Variants in SUPT3H observed in about 807,000 individuals in gnomAD.
SUPT3H encodes the protein SPT3 homolog, SAGA and STAGA complex component, also known as transcription initiation protein SPT3 homolog.
Under a neutral mutation model 44.3 loss-of-function variants are expected in SUPT3H, and 44 were observed. That is an observed-to-expected ratio of 0.99 (90% CI 0.78 to 1.28). The LOEUF (loss-of-function observed/expected upper bound fraction) is 1.28. SUPT3H is among the 50% of genes most tolerant of loss of function. The pLI, the probability that SUPT3H is intolerant of heterozygous loss-of-function variation, is 0.00. For synonymous variants in SUPT3H, 124 were observed against 125.6 expected (o/e 0.99, Z 0.09); for missense variants, 380 against 387.1 (o/e 0.98, Z 0.15).
At chr6:44,914,429 G>C (rs548541894) in intron 10 of SUPT3H, among the ~76,000 whole-genome samples, 1 of 152,322 alleles carries the variant, frequency 6.6e-6, no homozygotes, top group Non-Finnish European at 1.5e-5. Flanking sequence ...AGTATGGTTA[G>C]GGTAGTACAT....
chr6:45,328,894 T>C (rs563650078), intron 2 of SUPT3H: 2 of 1,114,812 alleles, frequency 1.8e-6, no homozygotes, highest in South Asian at 1.3e-5. Flanking sequence ...AAGATCCTAA[T>C]TATGCTATCT....
intron 2 of SUPT3H, among the ~76,000 whole-genome samples, chr6:45,140,137 C>A (rs1804941563): frequency 6.6e-6 from 1 of 152,072 alleles, no homozygotes; most frequent in South Asian, 2.1e-4. Flanking sequence ...ACAGCAGAAG[C>A]AGCCCTAATC....
chr6:44,940,556 T>G (rs1772236466), intron 9 of SUPT3H, among the ~76,000 whole-genome samples: 1 of 152,096 alleles, frequency 6.6e-6, no homozygotes. Flanking sequence ...GTCCTTTTGG[T>G]CTAAAGTCCA....
At chr6:45,296,447 C>T (rs1781238717) in intron 2 of SUPT3H, among the ~76,000 whole-genome samples, 1 of 151,958 alleles carries the variant, frequency 6.6e-6, no homozygotes, top group Admixed American at 6.5e-5. Flanking sequence ...GGATAAAAGA[C>T]TACGAACAGT....
chr6:45,028,344 C>G (rs959349649), intron 3 of SUPT3H, among the ~76,000 whole-genome samples: 3 of 152,152 alleles, frequency 2.0e-5, no homozygotes, highest in Non-Finnish European at 2.9e-5. Flanking sequence ...TTAGTCTACA[C>G]AAGACTTCTT....
chr6:45,293,870 C>T (rs1780696461), intron 2 of SUPT3H, among the ~76,000 whole-genome samples: 1 of 151,878 alleles, frequency 6.6e-6, no homozygotes. Context: ...AAAAAAAGTC[C>T]AGGACCAGAT....
At chr6:45,271,490 G>A (rs1776136913) in intron 2 of SUPT3H, among the ~76,000 whole-genome samples, 1 of 152,172 alleles carries the variant, frequency 6.6e-6, no homozygotes. Context: ...GCTTCCACGT[G>A]GTGTTGAGCC....
chr6:44,882,898 A>G (rs1310306402), intron 10 of SUPT3H, among the ~76,000 whole-genome samples: 1 of 152,210 alleles, frequency 6.6e-6, no homozygotes, highest in Non-Finnish European at 1.5e-5. Flanking sequence ...AAATAATAAG[A>G]GCTGTTTATG....
intron 3 of SUPT3H, among the ~76,000 whole-genome samples, chr6:45,070,466 G>C (rs972434560): frequency 6.6e-6 from 1 of 152,030 alleles, no homozygotes; most frequent in Non-Finnish European, 1.5e-5. Context: ...TGCTTTGGCC[G>C]GGCATGGTGG....
At chr6:45,299,694 C>A (rs1034270505) in intron 2 of SUPT3H, among the ~76,000 whole-genome samples, 1 of 149,772 alleles carries the variant, frequency 6.7e-6, no homozygotes, top group African/African-American at 2.5e-5. Flanking sequence ...GAAGGAAGAT[C>A]ACTTAAGCCA....
At chr6:45,122,810 C>T (rs543915500) in intron 2 of SUPT3H, among the ~76,000 whole-genome samples, 8 of 152,066 alleles carry the variant, frequency 5.3e-5, no homozygotes, top group Non-Finnish European at 1.2e-4. Context: ...TGCTTGCAGA[C>T]CCCATGAACA....
chr6:45,178,179 C>A (rs1179760997), intron 2 of SUPT3H, among the ~76,000 whole-genome samples: 1 of 152,126 alleles, frequency 6.6e-6, no homozygotes, highest in East Asian at 1.9e-4. Context: ...AAACCCATCT[C>A]ATGTGCAGAG....
chr6:45,282,576 G>T (rs1323211640), intron 2 of SUPT3H, among the ~76,000 whole-genome samples: 1 of 152,184 alleles, frequency 6.6e-6, no homozygotes, highest in Non-Finnish European at 1.5e-5. Context: ...CAAGAAATAT[G>T]GGACTATGTG....
At chr6:45,103,215 T>C (rs2153569907) in intron 3 of SUPT3H, among the ~76,000 whole-genome samples, 1 of 152,310 alleles carries the variant, frequency 6.6e-6, no homozygotes, top group Admixed American at 6.5e-5. Context: ...TAGTTAGGTA[T>C]ATCATTCAAT....
chr6:45,175,560 C>T (rs1431499668), intron 2 of SUPT3H, among the ~76,000 whole-genome samples: 3 of 152,148 alleles, frequency 2.0e-5, no homozygotes, highest in African/African-American at 7.2e-5. Flanking sequence ...GCCATATCAG[C>T]TCCTAAATGG....
At chr6:45,030,882 G>C (rs1316484854) in intron 3 of SUPT3H, among the ~76,000 whole-genome samples, 2 of 152,114 alleles carry the variant, frequency 1.3e-5, no homozygotes, top group African/African-American at 4.8e-5. Context: ...CCATGCAGAG[G>C]GCAAGGATCT....
chr6:45,200,380 G>C (rs1455654847), intron 2 of SUPT3H, among the ~76,000 whole-genome samples: 1 of 151,400 alleles, frequency 6.6e-6, no homozygotes, highest in African/African-American at 2.4e-5. Context: ...ATGAAAGCAA[G>C]TATGACTTAT....
chr6:45,209,611 A>T (rs1763762179), intron 2 of SUPT3H, among the ~76,000 whole-genome samples: 1 of 152,230 alleles, frequency 6.6e-6, no homozygotes, highest in South Asian at 2.1e-4. Context: ...ATGAGCAAAG[A>T]AAGTGGTTTC....
chr6:45,370,081 A>C (rs1366552799), intron 1 of SUPT3H, among the ~76,000 whole-genome samples: 1 of 152,204 alleles, frequency 6.6e-6, no homozygotes, highest in Non-Finnish European at 1.5e-5. Context: ...GAAATGTTTT[A>C]GGTTTAAAAA....
Sources: gnomAD v4.1 joint callset for allele counts (sites outside exome capture counted in the v4.1 genomes callset) on GRCh38, gnomAD v4.1.1 for gene constraint, MANE v1.5 for transcripts, NCBI Gene and HGNC (gene_info 2026-07-23, HGNC 2026-07-21) for gene names.